The following MYO1D variants were observed in gnomAD, a reference collection of about 807,000 sequenced individuals.
MYO1D encodes the protein unconventional myosin-Id.
In MYO1D, 83 loss-of-function variants were observed where a neutral mutation model predicts 122.0. That is an observed-to-expected ratio of 0.68 (90% CI 0.57 to 0.82). The LOEUF (loss-of-function observed/expected upper bound fraction) is 0.82. MYO1D is among the 40% of genes least tolerant of loss of function. The probability of loss-of-function intolerance (pLI) is 0.00; values close to 1 mark genes in which losing one functional copy is unlikely to be tolerated. For missense variants in MYO1D, 1,157 were observed against 1,269.5 expected (o/e 0.91, Z 1.35); for synonymous variants, 464 against 446.9 (o/e 1.04, Z -0.48).
At chr17:32,733,623 C>A (rs1008730747) in intron 14 of MYO1D, among the ~76,000 whole-genome samples, 1 of 152,124 alleles carries the variant, frequency 6.6e-6, no homozygotes, top group African/African-American at 2.4e-5. Flanking sequence ...TTATTAGATA[C>A]CCTACTTTGG....
chr17:32,644,737 C>T (rs72491919), intron 19 of MYO1D, among the ~76,000 whole-genome samples: 2 of 152,100 alleles, frequency 1.3e-5, no homozygotes, highest in Admixed American at 1.3e-4. Flanking sequence ...GGATTGCAAC[C>T]CCTGCCTTTT....
At chr17:32,750,803 T>A (rs2089891395) in intron 11 of MYO1D, among the ~76,000 whole-genome samples, 1 of 152,224 alleles carries the variant, frequency 6.6e-6, no homozygotes, top group Admixed American at 6.5e-5. Context: ...CTACTCACTC[T>A]GACTTCTTTA....
intron 21 of MYO1D, among the ~76,000 whole-genome samples, chr17:32,563,402 A>T (rs2087145167): frequency 1.3e-5 from 2 of 150,732 alleles, no homozygotes; most frequent in South Asian, 4.2e-4. Context: ...TTTAGTAGAG[A>T]TGGGGTTTCA....
intron 16 of MYO1D, among the ~76,000 whole-genome samples, chr17:32,687,245 G>A (rs979676630): frequency 6.7e-6 from 1 of 149,938 alleles, no homozygotes; most frequent in African/African-American, 2.5e-5. Flanking sequence ...CACCCAGGCT[G>A]GAGTGCAGTG....
intron 21 of MYO1D, among the ~76,000 whole-genome samples, chr17:32,508,971 A>T (rs1909593304): frequency 6.6e-6 from 1 of 152,260 alleles, no homozygotes. Flanking sequence ...AAATGTCTAT[A>T]GAAAGAATGA....
intron 21 of MYO1D, among the ~76,000 whole-genome samples, chr17:32,553,476 C>T (rs962312085): frequency 6.6e-6 from 1 of 152,136 alleles, no homozygotes; most frequent in Non-Finnish European, 1.5e-5. Flanking sequence ...ATGGACCTGA[C>T]ATAGAATAGG....
intron 19 of MYO1D, among the ~76,000 whole-genome samples, chr17:32,653,055 T>C (rs1034613320): frequency 1.3e-5 from 2 of 151,280 alleles, no homozygotes; most frequent in Admixed American, 6.6e-5. Context: ...GGCAGGAGAA[T>C]GGCATGAACC....
At chr17:32,585,806 A>AT (rs113983079) in intron 21 of MYO1D, among the ~76,000 whole-genome samples, 4,936 of 151,982 alleles carry the variant, frequency 0.032, 91 homozygotes, top group Middle Eastern at 0.069. Flanking sequence ...TGTTTAAATA[A>AT]TTTTTTCTGG....
chr17:32,537,861 AG>A (rs1437759022), intron 21 of MYO1D, among the ~76,000 whole-genome samples: 1 of 152,244 alleles, frequency 6.6e-6, no homozygotes, highest in East Asian at 1.9e-4. Context: ...ACAATGTAAA[AG>A]TAAAGCTATA....
intron 21 of MYO1D, among the ~76,000 whole-genome samples, chr17:32,562,288 A>C (rs2087133176): frequency 6.6e-6 from 1 of 152,158 alleles, no homozygotes; most frequent in Non-Finnish European, 1.5e-5. Flanking sequence ...ACATAAAAAA[A>C]CTTATTTTAT....
intron 1 of MYO1D, among the ~76,000 whole-genome samples, chr17:32,819,404 G>A (rs911091473): frequency 5.3e-5 from 8 of 152,088 alleles, no homozygotes; most frequent in African/African-American, 9.7e-5. Flanking sequence ...ATTCCCCTCC[G>A]TTTACTCAAC....
rs766724550 is a variant in MYO1D, at chr17:32,605,129, C to T, written c.2822G>A (p.Arg941Gln). 3.1e-6 allele frequency: 5 copies of T among 1,604,532 alleles called. No homozygotes were observed. Among genetic ancestry groups the T allele is most frequent in the Non-Finnish European group, 4.3e-6 (5 of 1,172,860 alleles). The change falls in exon 21 of 22, where the codon CGA becomes CAA. Residue 941 changes from arginine (R) to glutamine (Q), a missense_variant. By Grantham distance (43) the Arg-to-Gln change is conservative. Coordinates refer to ENST00000318217, the MANE Select transcript of MYO1D (RefSeq NM_015194.3). ...LFSKQPTHES[R>Q]IGELVGVLVN... ...CAGCACTCCAACAAGTTCTCCAATTCGACTCTCATGGGTTGGCTGTTTGCT... is the reference window on the plus strand; with the variant it reads ...CAGCACTCCAACAAGTTCTCCAATTTGACTCTCATGGGTTGGCTGTTTGCT...
At chr17:32,629,629 G>A (rs559655784) in intron 20 of MYO1D, among the ~76,000 whole-genome samples, 1 of 152,026 alleles carries the variant, frequency 6.6e-6, no homozygotes, top group East Asian at 1.9e-4. Flanking sequence ...CCAGCTACTC[G>A]GCTGAGGCAG....
chr17:32,615,274 G>A (rs541468720), intron 20 of MYO1D, among the ~76,000 whole-genome samples: 1 of 152,332 alleles, frequency 6.6e-6, no homozygotes, highest in South Asian at 2.1e-4. Context: ...GAGGAGGTCA[G>A]TGAGGGCCTG....
intron 21 of MYO1D, among the ~76,000 whole-genome samples, chr17:32,539,659 T>C (rs1910779399): frequency 6.6e-6 from 1 of 152,204 alleles, no homozygotes; most frequent in Admixed American, 6.5e-5. Flanking sequence ...ACCTTTCTTT[T>C]ATAAGGATTT....
intron 1 of MYO1D, among the ~76,000 whole-genome samples, chr17:32,837,576 T>C (rs1325919646): frequency 2.6e-5 from 4 of 152,196 alleles, no homozygotes; most frequent in Non-Finnish European, 5.9e-5. Context: ...TAAAGCTTTA[T>C]TTGTATCTAA....
chr17:32,808,556 A>T (rs1394440559), intron 1 of MYO1D, among the ~76,000 whole-genome samples: 3 of 152,108 alleles, frequency 2.0e-5, no homozygotes, highest in Non-Finnish European at 4.4e-5. Flanking sequence ...TATGAATGGA[A>T]TATTTGTGTC....
At chr17:32,613,789 CAAAAAAAAAAAAA>C (rs60701225) in intron 20 of MYO1D, among the ~76,000 whole-genome samples, 1 of 51,042 alleles carries the variant, frequency 2.0e-5, no homozygotes, top group Non-Finnish European at 3.3e-5. Context: ...GATTCCATCT[CAAAAAAAAAAAAA>C]AAAAAAAAAA....
rs1483497999 is a variant in MYO1D, at chr17:32,643,706, G to A, written c.2596-4871C>T. 6.6e-5 allele frequency among the ~76,000 whole-genome samples: 10 copies of A among 152,220 alleles called. No homozygotes were observed. In the East Asian group the frequency reaches 9.6e-4, roughly 15 times the overall value. On this transcript the variant is annotated intron_variant, in intron 19 of 21. Coordinates refer to ENST00000318217, the MANE Select transcript of MYO1D (RefSeq NM_015194.3). ...CTTCTAGATTTTTTAGTTTATTTGC[G>A]TAGAGGTGCTTATGGTATTCTCTGA...
Sources: allele counts gnomAD v4.1 joint callset (sites outside exome capture counted in the v4.1 genomes callset), GRCh38; gene constraint gnomAD v4.1.1; transcripts MANE v1.5; gene names NCBI Gene and HGNC (gene_info 2026-07-23, HGNC 2026-07-21).